The following CEP112 variants were observed in gnomAD, a reference collection of about 807,000 sequenced individuals.
CEP112 encodes the protein centrosomal protein 112.
CEP112 carries 127 observed loss-of-function variants against 153.0 expected under a neutral mutation model. The observed-to-expected ratio is 0.83, with a 90% CI of 0.72 to 0.96. The LOEUF (loss-of-function observed/expected upper bound fraction) is 0.96. Among genes scored for constraint, CEP112 ranks in the 40% least tolerant of loss-of-function variants. The pLI is 0.00. For missense variants in CEP112, 1,089 were observed against 1,101.2 expected (o/e 0.99, Z 0.16); for synonymous variants, 358 against 374.4 (o/e 0.96, Z 0.51).
At chr17:65,795,502 G>T (rs1040163655) in intron 21 of CEP112, among the ~76,000 whole-genome samples, 1 of 152,084 alleles carries the variant, frequency 6.6e-6, no homozygotes, top group Non-Finnish European at 1.5e-5. Context: ...TACTATACTA[G>T]AATTATTTCT....
intron 8 of CEP112, among the ~76,000 whole-genome samples, chr17:66,081,559 GCTTT>G (rs1407388533): frequency 6.6e-5 from 10 of 151,332 alleles, no homozygotes; most frequent in African/African-American, 2.4e-4. Context: ...AATAACTGTG[GCTTT>G]CTTTATCCTA....
At chr17:65,808,999 C>T (rs1262111182) in intron 21 of CEP112, among the ~76,000 whole-genome samples, 1 of 152,142 alleles carries the variant, frequency 6.6e-6, no homozygotes, top group Non-Finnish European at 1.5e-5. Flanking sequence ...TGTTATGACA[C>T]AGCAAGAATG....
At chr17:65,872,360 C>T (rs1282862378) in intron 20 of CEP112, among the ~76,000 whole-genome samples, 2 of 152,002 alleles carry the variant, frequency 1.3e-5, no homozygotes, top group Non-Finnish European at 2.9e-5. Flanking sequence ...TTATTACATA[C>T]ATACATGAGA....
chr17:65,918,595 T>G (rs2060581934), intron 19 of CEP112, among the ~76,000 whole-genome samples: 1 of 152,222 alleles, frequency 6.6e-6, no homozygotes, highest in Non-Finnish European at 1.5e-5. Context: ...TAAAGAATGA[T>G]CTCATGGAGT....
chr17:65,939,777 C>T (rs747998343), intron 18 of CEP112, among the ~76,000 whole-genome samples: 1 of 152,050 alleles, frequency 6.6e-6, no homozygotes, highest in Non-Finnish European at 1.5e-5. Flanking sequence ...AAAGTTGAAG[C>T]TCTAAAACTA....
chr17:66,017,422 T>C (rs1216081252), intron 16 of CEP112, among the ~76,000 whole-genome samples: 2 of 152,180 alleles, frequency 1.3e-5, no homozygotes, highest in Non-Finnish European at 2.9e-5. Flanking sequence ...ACTTTTGAGC[T>C]GGGGGTTTCT....
intron 2 of CEP112, 68 bp downstream of exon 2, chr17:66,183,126 T>C (rs2072784548): frequency 9.1e-7 from 1 of 1,096,376 alleles, no homozygotes; most frequent in Non-Finnish European, 1.3e-6. Flanking sequence ...TGATAGTTCA[T>C]TGGTTTGACT....
chr17:65,970,065 A>T (rs1012165022), intron 17 of CEP112, among the ~76,000 whole-genome samples: 2 of 152,214 alleles, frequency 1.3e-5, no homozygotes, highest in African/African-American at 4.8e-5. Flanking sequence ...TCACATGTGT[A>T]TTGCAAACAT....
intron 10 of CEP112, 133 bp from the exon 11 acceptor site, chr17:66,063,214 C>T: frequency 2.2e-6 from 1 of 445,264 alleles, no homozygotes; most frequent in East Asian, 3.6e-5. Context: ...TCTAAAATAT[C>T]TTTTATTCCT....
chr17:65,768,415 A>G (rs755474749), intron 21 of CEP112, among the ~76,000 whole-genome samples: 1 of 152,070 alleles, frequency 6.6e-6, no homozygotes, highest in Non-Finnish European at 1.5e-5. Flanking sequence ...AGACCCATGC[A>G]GTTCAAACCT....
intron 21 of CEP112, among the ~76,000 whole-genome samples, chr17:65,794,663 G>A (rs929669895): frequency 3.9e-5 from 6 of 152,128 alleles, no homozygotes; most frequent in African/African-American, 1.4e-4. Context: ...TTTCTCCTTC[G>A]AATGTACCTT....
chr17:66,047,894 G>C (rs1427935040), intron 12 of CEP112, among the ~76,000 whole-genome samples: 1 of 151,996 alleles, frequency 6.6e-6, no homozygotes, highest in East Asian at 1.9e-4. Context: ...ACTAATTGCA[G>C]GACCCCCTAC....
intron 24 of CEP112, among the ~76,000 whole-genome samples, chr17:65,669,828 G>C (rs901257854): frequency 6.6e-6 from 1 of 151,862 alleles, no homozygotes; most frequent in Non-Finnish European, 1.5e-5. Context: ...GCGTGAACCC[G>C]GGAGGCGGAG....
intron 20 of CEP112, among the ~76,000 whole-genome samples, chr17:65,876,799 C>T (rs1207346617): frequency 6.6e-6 from 1 of 151,896 alleles, no homozygotes; most frequent in Non-Finnish European, 1.5e-5. Flanking sequence ...TTTGGCTGGC[C>T]TTTAAAAAAA....
At chr17:65,783,734 C>T (rs534267542) in intron 21 of CEP112, among the ~76,000 whole-genome samples, 54 of 152,222 alleles carry the variant, frequency 3.5e-4, no homozygotes, top group South Asian at 2.1e-4. Flanking sequence ...CTTATTTCCC[C>T]GTTCAGTTGA....
intron 21 of CEP112, among the ~76,000 whole-genome samples, chr17:65,769,550 C>G (rs1443215727): frequency 1.3e-5 from 2 of 152,052 alleles, no homozygotes; most frequent in African/African-American, 4.8e-5. Flanking sequence ...TTGTATGGTA[C>G]TGATATAGAA....
intron 20 of CEP112, among the ~76,000 whole-genome samples, chr17:65,874,591 C>T (rs879331097): frequency 9.2e-5 from 14 of 152,010 alleles, no homozygotes; most frequent in Non-Finnish European, 1.6e-4. Context: ...TTTATTAAAG[C>T]CTGTAATTTT....
chr17:66,189,274 G>C (rs751382068), intron 1 of CEP112, among the ~76,000 whole-genome samples: 8 of 152,162 alleles, frequency 5.3e-5, no homozygotes, highest in African/African-American at 1.2e-4. Context: ...GCTGAGGCAG[G>C]CGGATAACTT....
At chr17:65,668,958 C>T (rs770430589) in intron 24 of CEP112, among the ~76,000 whole-genome samples, 36 of 152,184 alleles carry the variant, frequency 2.4e-4, no homozygotes, top group Non-Finnish European at 5.1e-4. Flanking sequence ...ACATTTTCTC[C>T]CAGCTAACTT....
Sources: allele counts gnomAD v4.1 joint callset (sites outside exome capture counted in the v4.1 genomes callset), GRCh38; gene constraint gnomAD v4.1.1; transcripts MANE v1.5; gene names NCBI Gene and HGNC (gene_info 2026-07-23, HGNC 2026-07-21).